Variants in PCDHA11 observed in about 807,000 individuals in gnomAD.
PCDHA11 encodes the protein protocadherin alpha 11.
In PCDHA11, 61 loss-of-function variants were observed where a neutral mutation model predicts 70.3. The ratio of observed to expected loss-of-function variants is 0.87; its 90% confidence interval spans 0.71 to 1.07. PCDHA11 has a LOEUF of 1.07. PCDHA11 is among the 50% of genes least tolerant of loss of function. The pLI, the probability that PCDHA11 is intolerant of heterozygous loss-of-function variation, is 0.00. For synonymous variants in PCDHA11, 633 were observed against 555.1 expected, an observed-to-expected ratio of 1.14 and a Z score of -1.97; for missense variants, 1,324 against 1,237.5, an observed-to-expected ratio of 1.07 and a Z score of -1.05.
At chr5:140,884,295 C>G in intron 1 of PCDHA11, 1 of 1,613,680 alleles carries the variant, frequency 6.2e-7, no homozygotes, top group Non-Finnish European at 8.5e-7. Flanking sequence ...GGCCAAGCGC[C>G]ACAGGCTTCG....
At chr5:140,927,104 C>CA in intron 1 of PCDHA11, 1 of 1,613,722 alleles carries the variant, frequency 6.2e-7, no homozygotes, top group Non-Finnish European at 8.5e-7. Flanking sequence ...GTGGATCTAC[C>CA]CAGCGGCAAT....
At chr5:140,962,405 C>A (rs2095680586) in intron 1 of PCDHA11, among the ~76,000 whole-genome samples, 1 of 152,200 alleles carries the variant, frequency 6.6e-6, no homozygotes, top group South Asian at 2.1e-4. Context: ...TGCCCCAAAC[C>A]TGTCTCTCCC....
At chr5:140,908,019 G>A (rs1031093375) in intron 1 of PCDHA11, among the ~76,000 whole-genome samples, 1 of 152,122 alleles carries the variant, frequency 6.6e-6, no homozygotes, top group Non-Finnish European at 1.5e-5. Context: ...ACTGGCTACA[G>A]CCCATTAATC....
rs2067929537 is a variant in PCDHA11 at position 140,900,315 on chromosome 5, T to C, written c.2391+28821T>C. Among the ~76,000 whole-genome samples the C allele has an allele frequency of 2.0e-5, 3 of 152,186 alleles. No homozygotes were observed. The East Asian group carries it at 5.8e-4, about 29-fold the overall frequency. On this transcript the variant is annotated intron_variant, in intron 1 of 3. Transcript: ENST00000398640. ...GTTTTTTTAGACAGTCTCACTTTTG[T>C]CGCCCAGGCTGGAGTACCGTGGCGC...
At chr5:140,966,246 G>A (rs184430396) in intron 1 of PCDHA11, 1 of 319,412 alleles carries the variant, frequency 3.1e-6, no homozygotes, top group East Asian at 5.0e-5. Flanking sequence ...TTAAGCAGGG[G>A]AGAGACGGTG....
intron 2 of PCDHA11, among the ~76,000 whole-genome samples, chr5:140,981,687 A>ATCATTCATTCAT (rs200213847): frequency 1.1e-4 from 17 of 151,972 alleles, no homozygotes; most frequent in African/African-American, 4.1e-4. Context: ...CCTCCCTTCC[A>ATCATTCATTCAT]TCATTCATTC....
intron 3 of PCDHA11, among the ~76,000 whole-genome samples, chr5:140,990,194 G>A (rs2097380047): frequency 6.6e-6 from 1 of 152,076 alleles, no homozygotes; most frequent in Non-Finnish European, 1.5e-5. Context: ...ACCAAATGTG[G>A]ACCCGAAAGA....
At chr5:140,984,566 C>T (rs899278255) in intron 3 of PCDHA11, among the ~76,000 whole-genome samples, 4 of 152,124 alleles carry the variant, frequency 2.6e-5, no homozygotes, top group Non-Finnish European at 5.9e-5. Context: ...TCCAACTACT[C>T]CATGGCAACC....
chr5:140,899,969 A>G (rs2067649868), intron 1 of PCDHA11, among the ~76,000 whole-genome samples: 1 of 151,820 alleles, frequency 6.6e-6, no homozygotes, highest in African/African-American at 2.4e-5. Flanking sequence ...TGCCATGCCC[A>G]GCTACTTTTT....
At chr5:140,929,390 T>C in intron 1 of PCDHA11, 1 of 1,511,570 alleles carries the variant, frequency 6.6e-7, no homozygotes, top group Non-Finnish European at 8.8e-7. Flanking sequence ...TGTTTTGAAA[T>C]ATTTCTTAGA....
chr5:141,009,975 GTAA>G lies in PCDHA11; in HGVS notation c.*43_*45del. The G allele has an allele frequency of 6.3e-7, 1 of 1,585,060 alleles. No individual in the cohort carries two copies. Among genetic ancestry groups the G allele is most frequent in the Non-Finnish European group, 8.6e-7 (1 of 1,168,878 alleles). ...GAAACAAGCCACTTAGCCAGTTTTT[GTAA>G]TAATGGCAAATCTCTCCCATGTAGC... On this transcript the variant is annotated 3_prime_UTR_variant, in exon 4 of 4. Coordinates refer to ENST00000398640, the MANE Select transcript of PCDHA11 (RefSeq NM_018902.5).
At position 140,871,450 on chromosome 5, in the gene PCDHA11, G is replaced by C. The variant is rs781785142; in HGVS notation, c.2347G>C (p.Glu783Gln). The change falls in exon 1 of 4, where the codon GAG becomes CAG. Residue 783 changes from glutamate to glutamine, a missense_variant. Coordinates refer to ENST00000398640, the MANE Select transcript of PCDHA11 (RefSeq NM_018902.5). ...TCTTCCTCTAGGTCTGAATAAAGAG[G>C]AGGAAGGGGAAAGACAGGAGCCAGG... is the stretch of plus-strand genomic sequence containing the variant. ...PSLPLGLNKE[E>Q]EGERQEPGSN... The C allele has an allele frequency of 6.2e-7, 1 of 1,608,836 alleles. No homozygotes were observed. Among genetic ancestry groups the C allele is most frequent in the Non-Finnish European group, 8.5e-7 (1 of 1,177,140 alleles).
intron 1 of PCDHA11, among the ~76,000 whole-genome samples, chr5:140,953,309 G>A (rs563699783): frequency 1.3e-5 from 2 of 152,220 alleles, no homozygotes; most frequent in East Asian, 1.9e-4. Flanking sequence ...AGAGATGTGG[G>A]AAGAATTTGA....
chr5:140,964,216 T>C (rs1267795511), intron 1 of PCDHA11, among the ~76,000 whole-genome samples: 1 of 152,214 alleles, frequency 6.6e-6, no homozygotes, highest in Non-Finnish European at 1.5e-5. Context: ...TAGTACAATG[T>C]CTTTCAAAAT....
chr5:140,977,630 C>T (rs2096769145), intron 1 of PCDHA11, among the ~76,000 whole-genome samples: 1 of 152,148 alleles, frequency 6.6e-6, no homozygotes, highest in African/African-American at 2.4e-5. Flanking sequence ...AGAGTTGTAA[C>T]TTTTTCTGGG....
chr5:140,877,317 G>C (rs535177109), intron 1 of PCDHA11: 5 of 1,614,004 alleles, frequency 3.1e-6, no homozygotes, highest in Admixed American at 1.7e-5. Context: ...AACCGGCGGC[G>C]GTCGGCGCGC....
rs1246867400 is a variant in PCDHA11, at chr5:140,885,558, AATTG to A, written c.2391+14069_2391+14072del. Among the ~76,000 whole-genome samples, 8 of 152,258 alleles carry A rather than the reference AATTG, an allele frequency of 5.3e-5. No individual in the cohort carries two copies. The South Asian group carries it at 1.0e-3, about 20-fold the overall frequency. On this transcript the variant is annotated intron_variant, in intron 1 of 3. Coordinates refer to ENST00000398640, the MANE Select transcript of PCDHA11 (RefSeq NM_018902.5). Reference sequence around the variant, plus strand: ...CAAAATATTGGTGTTATTTCTACGAAATTGATTGTCAGATGTGGAATTGATGCAT... The same window carrying A: ...CAAAATATTGGTGTTATTTCTACGAAATTGTCAGATGTGGAATTGATGCAT...
At chr5:140,967,144 C>T (rs1042081336) in intron 1 of PCDHA11, 9 of 1,611,144 alleles carry the variant, frequency 5.6e-6, no homozygotes, top group Non-Finnish European at 7.6e-6. Context: ...TGCTGGCGCA[C>T]AACCCCGTGG....
At chr5:140,983,170 G>A (rs1046143831) in intron 3 of PCDHA11, among the ~76,000 whole-genome samples, 1 of 152,136 alleles carries the variant, frequency 6.6e-6, no homozygotes, top group Non-Finnish European at 1.5e-5. Context: ...AAACATGACC[G>A]CCTCACAATT....
Sources: gnomAD v4.1 joint callset for allele counts (sites outside exome capture counted in the v4.1 genomes callset) on GRCh38, gnomAD v4.1.1 for gene constraint, MANE v1.5 for transcripts, NCBI Gene and HGNC (gene_info 2026-07-23, HGNC 2026-07-21) for gene names.